KIFBP: variants seen among roughly 807,000 people sequenced by gnomAD.
The protein encoded by KIFBP is KIF-binding protein.
In KIFBP, 46 loss-of-function variants were observed where a neutral mutation model predicts 58.9. That is an observed-to-expected ratio of 0.78 (90% CI 0.62 to 1.00). The LOEUF (loss-of-function observed/expected upper bound fraction) is 1.00, where lower values mean the gene tolerates loss of function less well. Ranked by LOEUF, KIFBP falls within the 50% of genes least tolerant of loss-of-function variation. The pLI, the probability that KIFBP is intolerant of heterozygous loss-of-function variation, is 0.00. For synonymous variants in KIFBP, 241 were observed against 283.4 expected, an observed-to-expected ratio of 0.85 and a Z score of 1.50; for missense variants, 651 against 752.9, an observed-to-expected ratio of 0.86 and a Z score of 1.58.
At chr10:69,005,233 G>A in intron 3 of KIFBP, 108 bp downstream of exon 3, 4 of 813,238 alleles carry the variant, frequency 4.9e-6, no homozygotes, top group South Asian at 2.9e-5. Flanking sequence ...TCTGACAGGA[G>A]TAAAACCTCC....
intron 1 of KIFBP, among the ~76,000 whole-genome samples, 198 bp from the exon 2 acceptor site, chr10:69,000,226 G>A (rs887017291): frequency 2.3e-4 from 35 of 152,104 alleles, no homozygotes; most frequent in African/African-American, 8.2e-4. Context: ...TGAATACCCC[G>A]AAGCAGGGAT....
chr10:68,992,627 G>A (rs1459242942), intron 1 of KIFBP, among the ~76,000 whole-genome samples: 2 of 152,116 alleles, frequency 1.3e-5, no homozygotes, highest in Non-Finnish European at 2.9e-5. Context: ...TTAGGTTGAT[G>A]CTGACTTTTG....
At chr10:69,015,421 T>C in intron 6 of KIFBP, 120 bp from the exon 7 acceptor site, 1 of 952,010 alleles carries the variant, frequency 1.1e-6, no homozygotes, top group South Asian at 1.6e-5. Flanking sequence ...GATACCCTTC[T>C]AAACCAGGCT....
intron 2 of KIFBP, among the ~76,000 whole-genome samples, chr10:69,004,282 C>T (rs188956123): frequency 5.4e-5 from 8 of 149,068 alleles, no homozygotes; most frequent in Non-Finnish European, 7.4e-5. Flanking sequence ...CCTGTAGTTT[C>T]AGCACTTTGG....
intron 1 of KIFBP, chr10:68,989,720 T>C: frequency 5.5e-6 from 1 of 181,696 alleles, no homozygotes; most frequent in East Asian, 1.6e-4. Context: ...TTCTTAGAGA[T>C]GGGGTCTCAC....
At chr10:68,998,552 A>G (rs942997942) in intron 1 of KIFBP, among the ~76,000 whole-genome samples, 1 of 151,476 alleles carries the variant, frequency 6.6e-6, no homozygotes, top group Non-Finnish European at 1.5e-5. Context: ...GTCCAAATTC[A>G]TGGACTCTGA....
chr10:68,993,994 A>G (rs1843378488), intron 1 of KIFBP, among the ~76,000 whole-genome samples: 4 of 152,166 alleles, frequency 2.6e-5, no homozygotes, highest in South Asian at 2.1e-4. Flanking sequence ...CTTAAGTCCA[A>G]AATGTTTTTC....
rs1386003298 is a variant in KIFBP at position 69,005,898 on chromosome 10, C to T, written c.772C>T (p.Gln258Ter). ...EWAINAATLS[Q>*]FYINKLCFME... ...GGCTATCAATGCTGCTACCTTGTCA[C>T]AGTTTTACATCAATAAGGTAAGCTT... The change falls in exon 4 of 7, where the codon CAG becomes TAG. Residue 258 changes from glutamine to a stop codon, truncating the protein, a stop_gained. Coordinates refer to ENST00000361983, the MANE Select transcript of KIFBP (RefSeq NM_015634.4). LOFTEE classifies it high-confidence loss of function. 6.2e-7 allele frequency: 1 copy of T among 1,613,800 alleles called. No homozygotes were observed. Among genetic ancestry groups the T allele is most frequent in the African/African-American group, 1.3e-5 (1 of 74,890 alleles).
At chr10:68,989,621 A>C (rs368649183) in intron 1 of KIFBP, 28 of 304,538 alleles carry the variant, frequency 9.2e-5, no homozygotes, top group African/African-American at 4.2e-4. Flanking sequence ...TCTGTTAAGA[A>C]AATCCAAAGT....
chr10:69,005,173 A>G, intron 3 of KIFBP, 48 bp downstream of exon 3: 2 of 1,325,924 alleles, frequency 1.5e-6, no homozygotes, highest in Non-Finnish European at 2.2e-6. Context: ...CACATATCAT[A>G]GATTAGTGAT....
In KIFBP at chr10:69,016,053, C is replaced by T. The variant is rs777517759; in HGVS notation, c.1503C>T (p.His501=). The T allele has an allele frequency of 1.3e-5, 21 of 1,613,944 alleles. No individual in the cohort carries two copies. The highest frequency in any genetic ancestry group is 1.8e-5 in the Non-Finnish European group (21 of 1,180,008). Residue 501 remains histidine (H), a synonymous_variant, in exon 7 of 7, where the codon CAC becomes CAT. Transcript: ENST00000361983. ...IADRLRDPDS[H]IVKKINNLNK... ...ACAGGCTAAGGGATCCTGATTCACA[C>T]ATTGTAAAAAAAATAAATAATCTTA...
intron 4 of KIFBP, among the ~76,000 whole-genome samples, chr10:69,007,939 T>C (rs1409488071): frequency 6.6e-6 from 1 of 152,196 alleles, no homozygotes; most frequent in African/African-American, 2.4e-5. Flanking sequence ...AATTATGAAG[T>C]CTTCAAGAGT....
intron 1 of KIFBP, among the ~76,000 whole-genome samples, chr10:68,996,121 G>A (rs2429031): frequency 0.37 from 56,317 of 150,854 alleles, 11,581 homozygotes; most frequent in Non-Finnish European, 0.48. Flanking sequence ...TCATGTCACA[G>A]CACTCCAGAC....
rs375318030 is a variant in KIFBP at position 69,015,999 on chromosome 10, T to A, written c.1449T>A (p.Asp483Glu). Reference protein sequence around the residue: ...IQFEIAHAYYDMMDLKVAIAD... With the variant: ...IQFEIAHAYYEMMDLKVAIAD... The stretch of plus-strand genomic sequence containing the variant: ...TTGAAATTGCACATGCTTACTATGA[T>A]ATGATGGATTTGAAGGTTGCCATTG... The change falls in exon 7 of 7, where the codon GAT (aspartate) becomes GAA (glutamate). Residue 483 changes from aspartate to glutamate, a missense_variant. Physicochemically the swap from Asp to Glu is conservative, Grantham distance 45. Transcript: ENST00000361983. 54 of 1,614,054 alleles carry A rather than the reference T, an allele frequency of 3.3e-5. No homozygotes were observed. Among genetic ancestry groups the A allele is most frequent in the Non-Finnish European group, 4.4e-5 (52 of 1,180,040 alleles).
intron 6 of KIFBP, 162 bp downstream of exon 6, chr10:69,011,177 C>A: frequency 1.6e-6 from 1 of 633,204 alleles, no homozygotes; most frequent in Non-Finnish European, 2.8e-6. Flanking sequence ...TCGTATTCTT[C>A]GAATTGCTTG....
In KIFBP at chr10:69,005,140, A is replaced by G. The variant is rs1468926688; in HGVS notation, c.605+15A>G. The stretch of plus-strand genomic sequence containing the variant: ...AGATCAAAAAGGTGAGTAGGTATAG[A>G]AATCAGCCCTTGCAAATATTTCCAC... On this transcript the variant is annotated intron_variant, in intron 3 of 6. Coordinates refer to ENST00000361983, the MANE Select transcript of KIFBP (RefSeq NM_015634.4). 2 of 1,555,200 alleles carry G rather than the reference A, an allele frequency of 1.3e-6. No individual in the cohort carries two copies. Among genetic ancestry groups the G allele is most frequent in the East Asian group, 4.5e-5 (2 of 44,548 alleles).
chr10:69,008,394 ATATAT>A (rs1843559202), intron 4 of KIFBP, among the ~76,000 whole-genome samples: 2 of 84,470 alleles, frequency 2.4e-5, no homozygotes, highest in Non-Finnish European at 4.5e-5. Flanking sequence ...AAAAAAAAAT[ATATAT>A]ATATATATAT....
intron 1 of KIFBP, among the ~76,000 whole-genome samples, chr10:68,992,296 TTAA>T (rs1843358618): frequency 6.6e-6 from 1 of 152,176 alleles, no homozygotes; most frequent in African/African-American, 2.4e-5. Context: ...GTCTGGCCTT[TTAA>T]AAATTTTTGC....
intron 1 of KIFBP, chr10:68,989,993 C>T (rs1843322074): frequency 6.6e-6 from 1 of 152,244 alleles, no homozygotes; most frequent in Admixed American, 6.5e-5. Context: ...GCCGCTGTGC[C>T]TGGCTCGGAA....
Sources: allele counts gnomAD v4.1 joint callset (sites outside exome capture counted in the v4.1 genomes callset), GRCh38; gene constraint gnomAD v4.1.1; transcripts MANE v1.5; gene names NCBI Gene and HGNC (gene_info 2026-07-23, HGNC 2026-07-21).